ASTN1: variants seen among roughly 807,000 people sequenced by gnomAD.
The protein encoded by ASTN1 is astrotactin 1.
ASTN1 carries 41 observed loss-of-function variants against 140.7 expected under a neutral mutation model. The observed-to-expected ratio is 0.29, with a 90% CI of 0.23 to 0.38. The LOEUF (loss-of-function observed/expected upper bound fraction) is 0.38, where lower values mean the gene tolerates loss of function less well. Among genes scored for constraint, ASTN1 ranks in the 10% least tolerant of loss-of-function variants. ASTN1 has a pLI of 1.00. For missense variants in ASTN1, 1,479 were observed against 1,678.8 expected, an observed-to-expected ratio of 0.88 and a Z score of 2.08; for synonymous variants, 640 against 652.2, an observed-to-expected ratio of 0.98 and a Z score of 0.29.
chr1:177,012,824 A>C lies in ASTN1; in HGVS notation c.1523+1967T>G, dbSNP rs187319219. Among the ~76,000 whole-genome samples, 233 of 152,328 alleles carry C rather than the reference A, an allele frequency of 1.5e-3. 1 individual carries two copies. Among genetic ancestry groups the C allele is most frequent in the African/African-American group, 5.4e-3 (226 of 41,578 alleles). On this transcript the variant is annotated intron_variant, in intron 8 of 22. Transcript: ENST00000361833. ...TCACTACAGCGAGCCAGCCTGGATC[A>C]CTCAGGGCAGAAGTGAAATATTTTG...
At chr1:177,075,574 G>A (rs1007308030) in intron 1 of ASTN1, among the ~76,000 whole-genome samples, 4 of 151,520 alleles carry the variant, frequency 2.6e-5, no homozygotes, top group Non-Finnish European at 4.4e-5. Context: ...CTTCAGGCAC[G>A]AAGATTGCTT....
intron 13 of ASTN1, 113 bp from the exon 14 acceptor site, chr1:176,944,131 G>T: frequency 7.2e-7 from 1 of 1,387,884 alleles, no homozygotes; most frequent in Non-Finnish European, 9.9e-7. Context: ...AGGCTGGAGT[G>T]CAATGGCAGG....
chr1:177,117,133 G>A (rs1224784963), intron 1 of ASTN1, among the ~76,000 whole-genome samples: 4 of 149,706 alleles, frequency 2.7e-5, no homozygotes, highest in East Asian at 2.1e-4. Flanking sequence ...CACCCCCACC[G>A]AGTGGCACCT....
chr1:177,007,292 T>C (rs1433830998), intron 8 of ASTN1, among the ~76,000 whole-genome samples: 2 of 152,102 alleles, frequency 1.3e-5, no homozygotes, highest in African/African-American at 4.8e-5. Context: ...CTCAGGAGGC[T>C]GAGGCAGGAG....
At chr1:177,114,283 T>C (rs908216748) in intron 1 of ASTN1, among the ~76,000 whole-genome samples, 3 of 152,178 alleles carry the variant, frequency 2.0e-5, no homozygotes, top group African/African-American at 7.2e-5. Context: ...GAATAATATA[T>C]GTAATGTGCC....
intron 14 of ASTN1, among the ~76,000 whole-genome samples, chr1:176,937,418 A>G (rs1425991720): frequency 6.6e-6 from 1 of 152,186 alleles, no homozygotes; most frequent in East Asian, 1.9e-4. Flanking sequence ...GGCTCTGAGA[A>G]GTTAAGTTAG....
At chr1:176,920,654 C>T (rs962172487) in intron 16 of ASTN1, among the ~76,000 whole-genome samples, 1 of 152,174 alleles carries the variant, frequency 6.6e-6, no homozygotes, top group Admixed American at 6.5e-5. Context: ...AACAGTTTTT[C>T]CTGCTTCTCC....
chr1:176,923,262 G>C (rs1670814307), intron 16 of ASTN1, among the ~76,000 whole-genome samples: 1 of 152,178 alleles, frequency 6.6e-6, no homozygotes, highest in Admixed American at 6.5e-5. Flanking sequence ...AGTTTATAGA[G>C]TCACAGAACA....
intron 2 of ASTN1, among the ~76,000 whole-genome samples, chr1:177,039,816 G>A (rs1676888718): frequency 6.6e-6 from 1 of 152,164 alleles, no homozygotes; most frequent in Non-Finnish European, 1.5e-5. Context: ...GGTAAATTAA[G>A]GGTAGATAAA....
At chr1:176,942,810 T>TG (rs1671776182) in intron 14 of ASTN1, among the ~76,000 whole-genome samples, 1 of 70,272 alleles carries the variant, frequency 1.4e-5, no homozygotes, top group African/African-American at 5.2e-5. Context: ...CCAATGTACT[T>TG]TGTGTGTGTG....
chr1:176,881,607 C>T lies in ASTN1; in HGVS notation c.3362+1252G>A, dbSNP rs192608412. 3.2e-4 allele frequency among the ~76,000 whole-genome samples: 47 copies of T among 146,466 alleles called. No homozygotes were observed. The East Asian group carries it at 5.6e-3, about 17-fold the overall frequency. On this transcript the variant is annotated intron_variant, in intron 20 of 22. Coordinates refer to ENST00000361833, the MANE Select transcript of ASTN1 (RefSeq NM_004319.3). ...CCCTCCAATAAAGGGCCACAACTGC[C>T]CCCTATCAAAAGAGCCAACGAGAAT...
chr1:177,054,329 A>T (rs897742426), intron 2 of ASTN1, among the ~76,000 whole-genome samples: 1 of 152,218 alleles, frequency 6.6e-6, no homozygotes, highest in Non-Finnish European at 1.5e-5. Context: ...TGCAAAACAC[A>T]ATTTTGATGA....
chr1:177,127,733 T>C (rs1681725976), intron 1 of ASTN1, among the ~76,000 whole-genome samples: 1 of 152,246 alleles, frequency 6.6e-6, no homozygotes, highest in Non-Finnish European at 1.5e-5. Flanking sequence ...CTGACATATT[T>C]GGCCCACAGT....
downstream of ASTN1, among the ~76,000 whole-genome samples, chr1:176,860,810 T>C (rs1033817766): frequency 1.3e-5 from 2 of 152,236 alleles, no homozygotes; most frequent in African/African-American, 4.8e-5. Context: ...ATATAGCAGC[T>C]GTGCAACAAA....
At chr1:177,013,132 G>A (rs900049631) in intron 8 of ASTN1, among the ~76,000 whole-genome samples, 1 of 152,158 alleles carries the variant, frequency 6.6e-6, no homozygotes, top group African/African-American at 2.4e-5. Context: ...TCAATAACAG[G>A]CTGCCTCATA....
chr1:177,040,370 C>T (rs552346498), intron 2 of ASTN1, among the ~76,000 whole-genome samples: 6 of 152,282 alleles, frequency 3.9e-5, no homozygotes, highest in South Asian at 2.1e-4. Context: ...GCCCAGCCCG[C>T]GCTGCCTTGT....
chr1:177,093,012 G>C lies in ASTN1; in HGVS notation c.284-31747C>G, dbSNP rs116717449. 8.9e-3 allele frequency among the ~76,000 whole-genome samples: 1,350 copies of C among 152,252 alleles called. 20 individuals carry two copies. The highest frequency in any genetic ancestry group is 0.031 in the African/African-American group (1,283 of 41,546). ...TAGAAATGCTGAACAAGACGGAACT[G>C]AACAGAGAGCTCTGTGCCACGACAC... On this transcript the variant is annotated intron_variant, in intron 1 of 22. Transcript: ENST00000361833.
chr1:176,901,763 A>ACT (rs1487158341), intron 16 of ASTN1, among the ~76,000 whole-genome samples: 5 of 152,076 alleles, frequency 3.3e-5, no homozygotes. Context: ...CTCAGAGTAA[A>ACT]CACACCTTTC....
rs576182659 is a variant in ASTN1 at position 177,065,055 on chromosome 1, G to A, written c.284-3790C>T. Among the ~76,000 whole-genome samples the A allele has an allele frequency of 1.9e-4, 29 of 152,346 alleles. No individual in the cohort carries two copies. In the East Asian group the frequency reaches 3.1e-3, roughly 16 times the overall value. On this transcript the variant is annotated intron_variant, in intron 1 of 22. Transcript: ENST00000361833. ...CAAGCCTGCCATGAGGCTCGCAAAA[G>A]CAAATTTGGGAGGTGATAGTTACGC... is the stretch of plus-strand genomic sequence containing the variant.
Sources: allele counts gnomAD v4.1 joint callset (sites outside exome capture counted in the v4.1 genomes callset), GRCh38; gene constraint gnomAD v4.1.1; transcripts MANE v1.5; gene names NCBI Gene and HGNC (gene_info 2026-07-23, HGNC 2026-07-21).